Variants in B3GALT1 observed in about 807,000 individuals in gnomAD.
B3GALT1 encodes the protein UDP-Gal:betaGlcNAc beta 1,3-galactosyltransferase, polypeptide 1.
B3GALT1 carries 10 observed loss-of-function variants against 23.2 expected under a neutral mutation model. That is an observed-to-expected ratio of 0.43 (90% CI 0.27 to 0.73). B3GALT1 has a LOEUF of 0.73. Among genes scored for constraint, B3GALT1 ranks in the 30% least tolerant of loss-of-function variants. The pLI is 0.21. For missense variants in B3GALT1, 299 were observed against 405.4 expected (o/e 0.74, Z 2.25); for synonymous variants, 156 against 141.5 (o/e 1.10, Z -0.73).
chr2:167,475,573 C>T (rs1025333819), intron 1 of B3GALT1, among the ~76,000 whole-genome samples: 2 of 151,948 alleles, frequency 1.3e-5, no homozygotes, highest in African/African-American at 2.4e-5. Flanking sequence ...CGAACTTCAA[C>T]TACAAAAGAT....
At chr2:167,394,851 CT>C (rs1258257178) in intron 1 of B3GALT1, among the ~76,000 whole-genome samples, 6 of 152,088 alleles carry the variant, frequency 3.9e-5, no homozygotes, top group Non-Finnish European at 5.9e-5. Context: ...CCAGGGATTC[CT>C]TTTTTCTTTC....
intron 1 of B3GALT1, among the ~76,000 whole-genome samples, chr2:167,347,964 T>A (rs1574042698): frequency 6.6e-6 from 1 of 152,154 alleles, no homozygotes; most frequent in East Asian, 1.9e-4. Flanking sequence ...GTGACACAAG[T>A]TTTAGAGTTT....
rs374935464 is a variant in B3GALT1, at chr2:167,341,667, CAAAA to C, written c.-511+48339_-511+48342del. Among the ~76,000 whole-genome samples the C allele has an allele frequency of 2.7e-5, 4 of 150,268 alleles. No individual in the cohort carries two copies. In the East Asian group the frequency reaches 7.8e-4, roughly 29 times the overall value. The stretch of plus-strand genomic sequence containing the variant: ...GGAGAGTGACACTGCATCTCAAAAA[CAAAA>C]AAAAAGATTACTGCTCAGCCTTTTC... On this transcript the variant is annotated intron_variant, in intron 1 of 4. Transcript: ENST00000392690.
intron 3 of B3GALT1, among the ~76,000 whole-genome samples, chr2:167,664,484 T>C (rs1195786086): frequency 6.6e-6 from 1 of 152,112 alleles, no homozygotes; most frequent in Non-Finnish European, 1.5e-5. Context: ...AGTAGTTTTT[T>C]CCAATTCTGT....
rs113228237 is a variant in B3GALT1, at chr2:167,492,393, T to C, written c.-410+2116T>C. On this transcript the variant is annotated intron_variant, in intron 2 of 4. Transcript: ENST00000392690. Reference sequence around the variant, plus strand: ...CCCATTTACCTAATGAAGAATATCTTGATTGTTTCCAAATTGGGAATTACT... The same window carrying C: ...CCCATTTACCTAATGAAGAATATCTCGATTGTTTCCAAATTGGGAATTACT... Among the ~76,000 whole-genome samples, 659 of 147,190 alleles carry C rather than the reference T, an allele frequency of 4.5e-3. 7 individuals are homozygous for C. Among genetic ancestry groups the C allele is most frequent in the African/African-American group, 0.016 (616 of 39,698 alleles).
intron 1 of B3GALT1, among the ~76,000 whole-genome samples, chr2:167,453,965 A>AT (rs1559101917): frequency 6.6e-6 from 1 of 152,164 alleles, no homozygotes; most frequent in East Asian, 1.9e-4. Context: ...CAAATTATAG[A>AT]TTTTTTAGAT....
At chr2:167,783,711 A>AG (rs913898065) in intron 3 of B3GALT1, among the ~76,000 whole-genome samples, 1 of 152,142 alleles carries the variant, frequency 6.6e-6, no homozygotes, top group Admixed American at 6.5e-5. Context: ...GGCAGGGGGC[A>AG]GGGGGAAATA....
intron 4 of B3GALT1, among the ~76,000 whole-genome samples, chr2:167,829,149 C>T (rs891071410): frequency 1.3e-5 from 2 of 152,194 alleles, no homozygotes; most frequent in Non-Finnish European, 2.9e-5. Context: ...TAATGTCCTA[C>T]TCACTATATC....
At chr2:167,561,961 C>A (rs183417565) in intron 2 of B3GALT1, among the ~76,000 whole-genome samples, 52 of 152,294 alleles carry the variant, frequency 3.4e-4, no homozygotes, top group African/African-American at 1.2e-3. Context: ...TTTTATGAGG[C>A]CAGCATCATC....
At chr2:167,298,360 T>C (rs1035112113) in intron 1 of B3GALT1, among the ~76,000 whole-genome samples, 9 of 152,248 alleles carry the variant, frequency 5.9e-5, no homozygotes, top group African/African-American at 2.2e-4. Context: ...TTCTACATTT[T>C]GTAAAATAAA....
chr2:167,611,103 C>T (rs369176015), intron 2 of B3GALT1, among the ~76,000 whole-genome samples: 1 of 151,466 alleles, frequency 6.6e-6, no homozygotes, highest in East Asian at 1.9e-4. Context: ...CACAGTTTAC[C>T]TACATAATAA....
intron 1 of B3GALT1, among the ~76,000 whole-genome samples, chr2:167,445,663 T>C (rs999706350): frequency 1.3e-5 from 2 of 152,234 alleles, no homozygotes; most frequent in Non-Finnish European, 2.9e-5. Context: ...AAATCTGTTT[T>C]ATCAGACACT....
At chr2:167,505,935 CTG>C (rs1164282622) in intron 2 of B3GALT1, among the ~76,000 whole-genome samples, 1 of 152,050 alleles carries the variant, frequency 6.6e-6, no homozygotes, top group East Asian at 1.9e-4. Context: ...TGGCGGGCTC[CTG>C]TAGTCCCGGC....
chr2:167,572,782 G>A (rs527289994), intron 2 of B3GALT1, among the ~76,000 whole-genome samples: 1 of 151,646 alleles, frequency 6.6e-6, no homozygotes, highest in African/African-American at 2.4e-5. Flanking sequence ...TACTCCTAAG[G>A]TGACTACCTG....
chr2:167,620,729 C>CA (rs11420741), intron 2 of B3GALT1, among the ~76,000 whole-genome samples: 126,489 of 151,912 alleles, frequency 0.83, 53,170 homozygotes, highest in African/African-American at 0.95. Flanking sequence ...ATACTGTAAA[C>CA]AATGTCCTTT....
intron 1 of B3GALT1, among the ~76,000 whole-genome samples, chr2:167,305,402 C>G (rs1361221837): frequency 6.6e-6 from 1 of 152,024 alleles, no homozygotes; most frequent in Non-Finnish European, 1.5e-5. Flanking sequence ...ACCTGATGAA[C>G]AATTAATATT....
chr2:167,363,521 T>C (rs1368426260), intron 1 of B3GALT1, among the ~76,000 whole-genome samples: 1 of 152,148 alleles, frequency 6.6e-6, no homozygotes, highest in Non-Finnish European at 1.5e-5. Context: ...TCAAGTTGCA[T>C]ACATTCCTAC....
chr2:167,812,073 A>G (rs2105353501), intron 3 of B3GALT1, among the ~76,000 whole-genome samples: 1 of 152,370 alleles, frequency 6.6e-6, no homozygotes, highest in South Asian at 2.1e-4. Context: ...AAATGCCTAT[A>G]GAAAAATAAG....
chr2:167,456,575 C>T (rs901954086), intron 1 of B3GALT1, among the ~76,000 whole-genome samples: 1 of 152,058 alleles, frequency 6.6e-6, no homozygotes, highest in Non-Finnish European at 1.5e-5. Flanking sequence ...ATATCAGGTC[C>T]CCAGGTTATT....
Sources: allele counts gnomAD v4.1 joint callset (sites outside exome capture counted in the v4.1 genomes callset), GRCh38; gene constraint gnomAD v4.1.1; transcripts MANE v1.5; gene names NCBI Gene and HGNC (gene_info 2026-07-23, HGNC 2026-07-21).